The following SLC14A2 variants were observed in gnomAD, a reference collection of about 807,000 sequenced individuals.
SLC14A2 encodes solute carrier family 14 member 2, also known as urea transporter 2.
A neutral mutation model predicts 104.6 loss-of-function variants in SLC14A2; 91 were observed. The ratio of observed to expected loss-of-function variants is 0.87; its 90% CI spans 0.73 to 1.04. SLC14A2 has a LOEUF of 1.04. Ranked by LOEUF, SLC14A2 falls within the 50% of genes least tolerant of loss-of-function variation. SLC14A2 has a pLI of 0.00. For synonymous variants in SLC14A2, 476 were observed against 466.4 expected (o/e 1.02, Z -0.27); for missense variants, 1,189 against 1,156.0 (o/e 1.03, Z -0.41).
intron 2 of SLC14A2, among the ~76,000 whole-genome samples, chr18:45,548,783 C>G (rs2542975): frequency 0.2 from 30,614 of 152,246 alleles, 3,099 homozygotes; most frequent in Admixed American, 0.21. Flanking sequence ...TTGCTGTATA[C>G]AAGCTGAAGT....
intron 1 of SLC14A2, among the ~76,000 whole-genome samples, chr18:45,410,906 G>C (rs754728720): frequency 7.2e-5 from 11 of 152,328 alleles, no homozygotes; most frequent in Non-Finnish European, 1.3e-4. Flanking sequence ...AAGCTACTGT[G>C]TATAATTATC....
chr18:45,553,703 C>A (rs2044087786), intron 2 of SLC14A2, among the ~76,000 whole-genome samples: 1 of 152,102 alleles, frequency 6.6e-6, no homozygotes, highest in Admixed American at 6.6e-5. Context: ...ACGCTTAACC[C>A]CAAATAGTGA....
chr18:45,329,959 G>A (rs2085272873), intron 1 of SLC14A2, among the ~76,000 whole-genome samples: 2 of 152,266 alleles, frequency 1.3e-5, no homozygotes, highest in South Asian at 4.1e-4. Context: ...ATTTATTGAG[G>A]TTATGTTGTG....
At chr18:45,249,362 G>A (rs1390307295) in intron 1 of SLC14A2, among the ~76,000 whole-genome samples, 1 of 151,038 alleles carries the variant, frequency 6.6e-6, no homozygotes, top group Non-Finnish European at 1.5e-5. Context: ...CTGTGTGTGT[G>A]CTGAACATGC....
chr18:45,506,215 C>A (rs2852313), intron 2 of SLC14A2, among the ~76,000 whole-genome samples: 1 of 152,012 alleles, frequency 6.6e-6, no homozygotes, highest in African/African-American at 2.4e-5. Context: ...CCTGCTCCCA[C>A]TAGCCTTTGA....
chr18:45,661,422 C>T (rs142884948), intron 10 of SLC14A2, among the ~76,000 whole-genome samples: 1 of 152,334 alleles, frequency 6.6e-6, no homozygotes, highest in Non-Finnish European at 1.5e-5. Context: ...AAAAGGAAAA[C>T]TCCTTTCTTG....
chr18:45,470,058 G>A (rs1391570360), intron 1 of SLC14A2, among the ~76,000 whole-genome samples: 2 of 152,082 alleles, frequency 1.3e-5, no homozygotes, highest in East Asian at 3.8e-4. Context: ...GAATTGTATT[G>A]CTCTCTTACT....
intron 1 of SLC14A2, among the ~76,000 whole-genome samples, chr18:45,285,733 T>C (rs1047113454): frequency 7.0e-6 from 1 of 142,266 alleles, no homozygotes; most frequent in African/African-American, 2.5e-5. Flanking sequence ...CCGGAGCAGA[T>C]GAATTTATCT....
intron 1 of SLC14A2, among the ~76,000 whole-genome samples, chr18:45,479,884 G>T (rs1248754453): frequency 6.6e-6 from 1 of 152,160 alleles, no homozygotes; most frequent in African/African-American, 2.4e-5. Context: ...AGGGAGGAAG[G>T]ATCCTCTGGG....
At chr18:45,186,199 C>T in the SLC14A2 span, among the ~76,000 whole-genome samples, 1 of 152,118 alleles carries the variant, frequency 6.6e-6, no homozygotes, top group Non-Finnish European at 1.5e-5. Flanking sequence ...GGAGTAATAA[C>T]ATTATGTGAT....
chr18:45,455,983 G>A (rs939696526), intron 1 of SLC14A2, among the ~76,000 whole-genome samples: 1 of 152,186 alleles, frequency 6.6e-6, no homozygotes, highest in African/African-American at 2.4e-5. Context: ...TCTTGTGAAT[G>A]AGGGTGCTGG....
chr18:45,357,117 G>A (rs1013301179), intron 1 of SLC14A2, among the ~76,000 whole-genome samples: 3 of 152,114 alleles, frequency 2.0e-5, no homozygotes, highest in East Asian at 3.9e-4. Flanking sequence ...TGAGGAGAGA[G>A]GAAGCTACAG....
chr18:45,357,662 G>C (rs1030962383), intron 1 of SLC14A2, among the ~76,000 whole-genome samples: 1 of 152,078 alleles, frequency 6.6e-6, no homozygotes, highest in Non-Finnish European at 1.5e-5. Flanking sequence ...AGGGTGTGGA[G>C]CCCCTCTGCA....
At chr18:45,213,690 T>C (rs911932843) in intron 1 of SLC14A2, among the ~76,000 whole-genome samples, 8 of 152,034 alleles carry the variant, frequency 5.3e-5, no homozygotes, top group African/African-American at 1.9e-4. Flanking sequence ...ATTGGTTAAT[T>C]AGTCCACATA....
intron 2 of SLC14A2, among the ~76,000 whole-genome samples, chr18:45,533,520 T>C (rs1352027094): frequency 6.6e-6 from 1 of 152,228 alleles, no homozygotes; most frequent in African/African-American, 2.4e-5. Context: ...TGGTAGTTTG[T>C]ATTTCTGTGG....
Position 45,632,330 on chromosome 18 carries a change from T to G in SLC14A2, c.522-20T>G. ...AACACCACCAACTTCAAATGCAAAA[T>G]CAGTCTGTTTCACCGCCAGGTCTGC... On this transcript the variant is annotated intron_variant, in intron 4 of 19. Coordinates refer to ENST00000255226, the MANE Select transcript of SLC14A2 (RefSeq NM_007163.4). 6.2e-7 allele frequency: 1 copy of G among 1,607,314 alleles called. No homozygotes were observed. Among genetic ancestry groups the G allele is most frequent in the Non-Finnish European group, 8.5e-7 (1 of 1,177,096 alleles).
intron 10 of SLC14A2, among the ~76,000 whole-genome samples, chr18:45,651,270 G>T (rs12605521): frequency 0.079 from 12,001 of 152,222 alleles, 661 homozygotes; most frequent in East Asian, 0.28. Context: ...ATTTCGAGAG[G>T]GTCTTTGGCA....
chr18:45,607,001 G>T (rs1413006147), intron 2 of SLC14A2, among the ~76,000 whole-genome samples: 1 of 152,108 alleles, frequency 6.6e-6, no homozygotes, highest in Non-Finnish European at 1.5e-5. Context: ...CAAATGAGAG[G>T]TTCTTGCTAA....
chr18:45,609,127 T>C lies in SLC14A2; in HGVS notation c.-34-15504T>C, dbSNP rs150246030. On this transcript the variant is annotated intron_variant, in intron 2 of 20. Coordinates refer to the SLC14A2 transcript ENST00000586448. The stretch of plus-strand genomic sequence containing the variant: ...CCCCTTCAGAGTAGGGACAAATGGC[T>C]CAGGAGCATCCATCTGTCTCCCTGT... Among the ~76,000 whole-genome samples the C allele has an allele frequency of 1.8e-3, 269 of 152,268 alleles. 2 individuals are homozygous for C. Among genetic ancestry groups the C allele is most frequent in the African/African-American group, 6.3e-3 (260 of 41,566 alleles).
Sources: gnomAD v4.1 joint callset for allele counts (sites outside exome capture counted in the v4.1 genomes callset) on GRCh38, gnomAD v4.1.1 for gene constraint, MANE v1.5 for transcripts, NCBI Gene and HGNC (gene_info 2026-07-23, HGNC 2026-07-21) for gene names.